Variants in SCRIB observed in about 807,000 individuals in gnomAD.
The protein encoded by SCRIB is protein scribble homolog.
A neutral mutation model predicts 170.0 loss-of-function variants in SCRIB; 72 were observed. The observed-to-expected ratio is 0.42, with a 90% CI of 0.35 to 0.52. The LOEUF is 0.52. Ranked by LOEUF, SCRIB falls within the 20% of genes least tolerant of loss-of-function variation. The pLI is 0.02. For synonymous variants in SCRIB, 1,298 were observed against 1,044.3 expected (o/e 1.24, Z -4.68); for missense variants, 2,475 against 2,338.5 (o/e 1.06, Z -1.20).
rs140888509 is a variant in SCRIB, at chr8:143,812,797, G to A, written c.787+20C>T. ...GCCAGGCTCCGTGTGCCCCACCCAG[G>A]CACCCCCAGGCACACTAACCGATGC... On this transcript the variant is annotated intron_variant, in intron 8 of 36. Transcript: ENST00000356994. 6.3e-7 allele frequency: 1 copy of A among 1,591,518 alleles called. No individual in the cohort carries two copies. Among genetic ancestry groups the A allele is most frequent in the Admixed American group, 1.7e-5 (1 of 59,832 alleles).
intron 24 of SCRIB, among the ~76,000 whole-genome samples, chr8:143,797,172 G>A (rs1814980009): frequency 6.6e-6 from 1 of 152,232 alleles, no homozygotes; most frequent in Non-Finnish European, 1.5e-5. Context: ...CTGAGAGAGG[G>A]GAGGTCGTGT....
intron 1 of SCRIB, among the ~76,000 whole-genome samples, 155 bp from the exon 2 acceptor site, chr8:143,814,273 CA>C (rs1563809860): frequency 6.6e-6 from 1 of 151,884 alleles, no homozygotes; most frequent in Non-Finnish European, 1.5e-5. Flanking sequence ...ACCCCATTTG[CA>C]AAAAAAGGAA....
In SCRIB at chr8:143,812,800, C is replaced by T; in HGVS notation, c.787+17G>A. 1 of 1,595,230 alleles carries T rather than the reference C, an allele frequency of 6.3e-7. No individual in the cohort carries two copies. The highest frequency in any genetic ancestry group is 1.1e-5 in the South Asian group (1 of 90,944). ...AGGCTCCGTGTGCCCCACCCAGGCACCCCCAGGCACACTAACCGATGCCGT... is the reference window on the plus strand; with the variant it reads ...AGGCTCCGTGTGCCCCACCCAGGCATCCCCAGGCACACTAACCGATGCCGT... On this transcript the variant is annotated intron_variant, in intron 8 of 36. Transcript: ENST00000356994.
In SCRIB at chr8:143,810,698, T is replaced by C. The variant is rs773571911; in HGVS notation, c.1392A>G (p.Ala464=). 7.5e-6 allele frequency: 12 copies of C among 1,603,834 alleles called. No homozygotes were observed. The highest frequency in any genetic ancestry group is 1.7e-5 in the Admixed American group (1 of 59,754). ...PIGDEDAEEA[A]AEKRGLQRRA... is the part of the protein sequence containing the mutation. Reference sequence around the variant, plus strand: ...CTCACCCTCATACCCGCTTCTCAGCTGCAGCTTCCTCAGCGTCCTCATCAC... The same window carrying C: ...CTCACCCTCATACCCGCTTCTCAGCCGCAGCTTCCTCAGCGTCCTCATCAC... Residue 464 remains alanine, a synonymous_variant, in exon 12 of 37, where the codon GCA becomes GCG. Coordinates refer to ENST00000356994, the MANE Select transcript of SCRIB (RefSeq NM_182706.5).
rs138813890 is a variant in SCRIB, at chr8:143,803,544, C to T, written c.3442G>A (p.Asp1148Asn). 44 of 1,601,956 alleles carry T rather than the reference C, an allele frequency of 2.7e-5. No homozygotes were observed. In the African/African-American group the frequency reaches 3.9e-4, roughly 14 times the overall value. ...CGCAAACCCACACGCAGCCGACCGT[C>T]GCGCCCGGCTGCCCCCGTGGGGCTC... Reference protein sequence around the residue: ...KVSPTGAAGRDGRLRVGLRLL... With the variant: ...KVSPTGAAGRNGRLRVGLRLL... The change falls in exon 24 of 37, where the codon GAC (aspartate) becomes AAC (asparagine). Residue 1148 changes from aspartate (D) to asparagine (N), a missense_variant. Physicochemically the swap from Asp to Asn is conservative, Grantham distance 23. This residue lies in a region of SCRIB where 1,966 missense variants were observed against 1,742.9 expected (regional missense o/e 1.13). Coordinates refer to ENST00000356994, the MANE Select transcript of SCRIB (RefSeq NM_182706.5).
Position 143,812,275 on chromosome 8 carries a change from G to A in SCRIB, c.897C>T (p.Asn299=), listed in dbSNP as rs571755465. ...CCAAGCCAGACCCTACCATCAGCAG[G>A]TTCTCCGTGAGGATCAGCTCAGAGA... is the stretch of plus-strand genomic sequence containing the variant. The part of the protein sequence containing the change: ...ENLSELILTE[N]LLMALPRSLG... Residue 299 remains asparagine (N), a synonymous_variant, in exon 9 of 37, where the codon AAC becomes AAT. Transcript: ENST00000356994. The A allele has an allele frequency of 3.7e-6, 6 of 1,606,446 alleles. No homozygotes were observed. The highest frequency in any genetic ancestry group is 2.2e-5 in the East Asian group (1 of 44,832).
In SCRIB at chr8:143,792,644, G is replaced by C. The variant is rs781940034; in HGVS notation, c.4178-9C>G. The C allele has an allele frequency of 3.1e-6, 5 of 1,592,828 alleles. No homozygotes were observed. Among genetic ancestry groups the C allele is most frequent in the Admixed American group, 1.7e-5 (1 of 58,980 alleles). ...CTGCTGTAGTTTTCTGGCTGCCGGA[G>C]GGCAGGGTGGGTCAGGCCAGACCAG... On this transcript the variant is annotated splice_polypyrimidine_tract_variant and intron_variant, in intron 30 of 36. Coordinates refer to ENST00000356994, the MANE Select transcript of SCRIB (RefSeq NM_182706.5).
Position 143,803,449 on chromosome 8 carries a change from A to G in SCRIB, c.3537T>C (p.Ser1179=). ...CCAGCACGGTGAGGGTGTCGCCCAC[A>G]CTGCGGAGCAGCTGCACCGCCTCGC... ...THGEAVQLLR[S]VGDTLTVLVC... The change falls in exon 24 of 37, where the codon AGT becomes AGC. Residue 1179 remains serine, a synonymous_variant. Coordinates refer to ENST00000356994, the MANE Select transcript of SCRIB (RefSeq NM_182706.5). 1 of 1,597,472 alleles carries G rather than the reference A, an allele frequency of 6.3e-7. No individual in the cohort carries two copies. The highest frequency in any genetic ancestry group is 1.3e-5 in the African/African-American group (1 of 74,916).
In SCRIB at chr8:143,811,322, C is replaced by G; in HGVS notation, c.930G>C (p.Lys310Asn). ...CGTTGAGGTTGGTCAGCTTAGTCAG[C>G]TTTCCCAGGGAGCGGGGCAGGGCCT... ...LLMALPRSLG[K>N]LTKLTNLNVD... The change falls in exon 10 of 37, where the codon AAG becomes AAC. Residue 310 changes from lysine to asparagine, a missense_variant. Coordinates refer to ENST00000356994, the MANE Select transcript of SCRIB (RefSeq NM_182706.5). 1.2e-6 allele frequency: 2 copies of G among 1,612,816 alleles called. No homozygotes were observed. Among genetic ancestry groups the G allele is most frequent in the Non-Finnish European group, 1.7e-6 (2 of 1,179,854 alleles).
chr8:143,792,869 T>TG lies in SCRIB; in HGVS notation c.4018-3dup. 2 of 1,505,656 alleles carry TG rather than the reference T, an allele frequency of 1.3e-6. No individual in the cohort carries two copies. The highest frequency in any genetic ancestry group is 1.8e-6 in the Non-Finnish European group (2 of 1,132,066). 93.3% of individuals were successfully genotyped at this position (1,505,656 alleles called of 1,614,324 possible). A position where few individuals can be genotyped will look rare whatever the true frequency, so the allele number is the denominator to read the frequency against. On this transcript the variant is annotated splice_region_variant and splice_polypyrimidine_tract_variant and intron_variant, in intron 29 of 36. Coordinates refer to ENST00000356994, the MANE Select transcript of SCRIB (RefSeq NM_182706.5). ...GGCTGCAGGCCCAGGCGTGGGGGGC[T>TG]GGGGGGAGCGGACCTTGAGGTTTGG...
chr8:143,798,689 G>A (rs944209515), intron 24 of SCRIB, among the ~76,000 whole-genome samples: 1 of 152,138 alleles, frequency 6.6e-6, no homozygotes, highest in African/African-American at 2.4e-5. Context: ...TCTTAAATGA[G>A]TTAAATGTAA....
intron 9 of SCRIB, 144 bp downstream of exon 9, chr8:143,812,122 C>A: frequency 1.4e-6 from 1 of 724,320 alleles, no homozygotes; most frequent in Non-Finnish European, 2.5e-6. Context: ...CATGCTCCCC[C>A]TCTGACAAGA....
At chr8:143,814,991 G>A (rs1815999975) in intron 1 of SCRIB, 1 of 516,358 alleles carries the variant, frequency 1.9e-6, no homozygotes, top group Non-Finnish European at 3.3e-6. Flanking sequence ...TCCAGGCTCG[G>A]TGACAATCGC....
chr8:143,791,003 G>A lies in SCRIB; in HGVS notation c.*160C>T, dbSNP rs1330357789. On this transcript the variant is annotated 3_prime_UTR_variant, in exon 37 of 37. Transcript: ENST00000356994. ...TACAAACATCACTAGTTACAGTCTC[G>A]CCGAGGTCTCGGCTGGGGTGGGGCA... 1.7e-5 allele frequency: 11 copies of A among 644,970 alleles called. No individual in the cohort carries two copies. The highest frequency in any genetic ancestry group is 3.4e-5 in the East Asian group (1 of 29,734). The allele number at this position is 644,970 out of a possible 1,614,324, so 40.0% of individuals were successfully genotyped here.
Position 143,792,122 on chromosome 8 carries a change from A to G in SCRIB, c.4526T>C (p.Leu1509Ser). 6.3e-7 allele frequency: 1 copy of G among 1,578,004 alleles called. No individual in the cohort carries two copies. Among genetic ancestry groups the G allele is most frequent in the South Asian group, 1.1e-5 (1 of 88,142 alleles). The change falls in exon 33 of 37, where the codon TTG (leucine) becomes TCG (serine). Residue 1509 changes from leucine (L) to serine (S), a missense_variant. Leu to Ser is a moderately radical substitution (Grantham distance 145). Coordinates refer to ENST00000356994, the MANE Select transcript of SCRIB (RefSeq NM_182706.5). Reference protein sequence around the residue: ...ALWRAARMKSLEQDALRAQMV... With the variant: ...ALWRAARMKSSEQDALRAQMV... ...CTGTGCTCGGAGAGCGTCCTGTTCC[A>G]ATGACTTCATCCTGCAGAGAACAGC...
In SCRIB at chr8:143,791,713, T is replaced by C. The variant is rs782118671; in HGVS notation, c.4723A>G (p.Arg1575Gly). ...LPLSGKKFDY[R>G]AFAALPSSRP... ...GAAGAAGGCAGGGCCGCAAAGGCCC[T>C]GTAGTCAAACTTCTTTCCAGACAAG... The change falls in exon 35 of 37, where the codon AGG becomes GGG. Residue 1575 changes from arginine to glycine, a missense_variant. Arg to Gly is a moderately radical substitution (Grantham distance 125). Transcript: ENST00000356994. 2.5e-6 allele frequency: 4 copies of C among 1,602,266 alleles called. No individual in the cohort carries two copies. The highest frequency in any genetic ancestry group is 2.7e-5 in the African/African-American group (2 of 74,194).
chr8:143,805,665 GAC>G (rs2130086340), intron 18 of SCRIB, among the ~76,000 whole-genome samples: 1 of 152,294 alleles, frequency 6.6e-6, no homozygotes, highest in African/African-American at 2.4e-5. Flanking sequence ...CTAGGGCCAG[GAC>G]ACACACTGGC....
At chr8:143,795,203 T>C in intron 26 of SCRIB, 74 bp downstream of exon 26, 2 of 1,596,350 alleles carry the variant, frequency 1.3e-6, no homozygotes, top group South Asian at 1.1e-5. Context: ...TGGGGGTTAC[T>C]ACCCAGCACC....
In SCRIB at chr8:143,809,636, C is replaced by G. The variant is rs903802375; in HGVS notation, c.1613G>C (p.Gly538Ala). The G allele has an allele frequency of 3.7e-6, 6 of 1,611,034 alleles. No individual in the cohort carries two copies. The highest frequency in any genetic ancestry group is 5.1e-6 in the Non-Finnish European group (6 of 1,179,942). Residue 538 changes from glycine to alanine, a missense_variant, in exon 14 of 37, where the codon GGC becomes GCC. Coordinates refer to ENST00000356994, the MANE Select transcript of SCRIB (RefSeq NM_182706.5). ...ASTVSEAEPE[G>A]PSAEAQGGSQ... is the part of the protein sequence containing the mutation. ...CCCACCCTGTGCCTCAGCCGACGGG[C>G]CCTCGGGCTCAGCCTCAGAGACTGT...
Sources: gnomAD v4.1 joint callset for allele counts (sites outside exome capture counted in the v4.1 genomes callset) on GRCh38, gnomAD v4.1.1 for gene constraint, gnomAD v4.1.1 regional missense constraint, MANE v1.5 for transcripts, NCBI Gene and HGNC (gene_info 2026-07-23, HGNC 2026-07-21) for gene names.